The following CSMD3 variants were observed in gnomAD, a reference collection of about 807,000 sequenced individuals.
CSMD3 encodes CUB and Sushi multiple domains 3.
A neutral mutation model predicts 435.2 loss-of-function variants in CSMD3; 177 were observed. That is an observed-to-expected ratio of 0.41 (90% confidence interval 0.36 to 0.46). The LOEUF (loss-of-function observed/expected upper bound fraction) is 0.46, where lower values mean the gene tolerates loss of function less well. CSMD3 is among the 20% of genes least tolerant of loss of function. The pLI is 0.34. For missense variants in CSMD3, 4,265 were observed against 4,504.6 expected (o/e 0.95, Z 1.52); for synonymous variants, 1,656 against 1,520.5 (o/e 1.09, Z -2.07).
At chr8:112,898,926 CTTA>C (rs1366539009) in intron 10 of CSMD3, among the ~76,000 whole-genome samples, 1 of 151,092 alleles carries the variant, frequency 6.6e-6, no homozygotes, top group Non-Finnish European at 1.5e-5. Context: ...TTATACTGCT[CTTA>C]TTGTGTAACC....
chr8:112,568,061 G>A (rs966034594), intron 24 of CSMD3, among the ~76,000 whole-genome samples: 4 of 152,162 alleles, frequency 2.6e-5, no homozygotes, highest in African/African-American at 4.8e-5. Flanking sequence ...AAGGGAGTTG[G>A]ATTCTGGGAG....
chr8:113,296,748 C>T (rs1440220321), intron 2 of CSMD3, among the ~76,000 whole-genome samples: 1 of 148,742 alleles, frequency 6.7e-6, no homozygotes, highest in East Asian at 2.0e-4. Context: ...TTTCCTCCTT[C>T]TGTTTCTTGG....
chr8:112,685,294 C>A (rs973796702), intron 15 of CSMD3, 112 bp downstream of exon 15: 7 of 829,446 alleles, frequency 8.4e-6, no homozygotes, highest in African/African-American at 1.7e-5. Flanking sequence ...AGATTTACAG[C>A]TTTTACAAAT....
chr8:112,328,368 A>G (rs1169106225), intron 45 of CSMD3, among the ~76,000 whole-genome samples: 1 of 152,166 alleles, frequency 6.6e-6, no homozygotes, highest in Non-Finnish European at 1.5e-5. Context: ...TTTGTTTTCC[A>G]TTTTGCAGAA....
intron 11 of CSMD3, among the ~76,000 whole-genome samples, chr8:112,843,680 G>T (rs2080241954): frequency 6.6e-6 from 1 of 151,768 alleles, no homozygotes; most frequent in Non-Finnish European, 1.5e-5. Context: ...GACTGGGAAT[G>T]GACCTCAGCT....
At chr8:112,798,697 T>C (rs1349597881) in intron 13 of CSMD3, among the ~76,000 whole-genome samples, 7 of 151,884 alleles carry the variant, frequency 4.6e-5, no homozygotes, top group Non-Finnish European at 1.0e-4. Context: ...TCCAACCTAT[T>C]CATGAGTTTT....
chr8:112,833,066 A>G (rs992046788), intron 11 of CSMD3, among the ~76,000 whole-genome samples: 1 of 152,138 alleles, frequency 6.6e-6, no homozygotes, highest in East Asian at 1.9e-4. Context: ...TATTATTGCT[A>G]TAAGATAAGA....
chr8:113,310,257 A>T (rs2093857199), intron 2 of CSMD3: 1 of 152,106 alleles, frequency 6.6e-6, no homozygotes, highest in South Asian at 2.1e-4. Context: ...GTACATGTTA[A>T]AAATTAGGAA....
At chr8:113,017,481 A>T (rs2086509894) in intron 6 of CSMD3, among the ~76,000 whole-genome samples, 1 of 151,954 alleles carries the variant, frequency 6.6e-6, no homozygotes, top group Non-Finnish European at 1.5e-5. Flanking sequence ...AATATAAAAT[A>T]TATGCTACTT....
intron 6 of CSMD3, among the ~76,000 whole-genome samples, chr8:113,014,770 G>A (rs993640386): frequency 6.6e-6 from 1 of 152,090 alleles, no homozygotes; most frequent in African/African-American, 2.4e-5. Context: ...TAGGTAGTGG[G>A]AAATTAATGA....
chr8:113,428,866 C>T (rs1458824164), intron 1 of CSMD3, among the ~76,000 whole-genome samples: 1 of 151,828 alleles, frequency 6.6e-6, no homozygotes, highest in Non-Finnish European at 1.5e-5. Context: ...CAAACTTCCT[C>T]TCAAAGTGGT....
At chr8:112,302,568 T>G (rs1439581746) in intron 52 of CSMD3, among the ~76,000 whole-genome samples, 2 of 152,096 alleles carry the variant, frequency 1.3e-5, no homozygotes, top group Non-Finnish European at 2.9e-5. Context: ...TCTTATGACT[T>G]CTTCATATTT....
At chr8:112,831,450 T>C (rs1275616468) in intron 11 of CSMD3, among the ~76,000 whole-genome samples, 1 of 152,062 alleles carries the variant, frequency 6.6e-6, no homozygotes, top group Non-Finnish European at 1.5e-5. Context: ...AAATTCATTT[T>C]ATAACCTAGT....
chr8:112,736,016 C>G (rs190013148), intron 13 of CSMD3, among the ~76,000 whole-genome samples: 2 of 151,992 alleles, frequency 1.3e-5, no homozygotes, highest in Non-Finnish European at 2.9e-5. Context: ...ATAGAGAGAG[C>G]TGTGTCCAAG....
At chr8:113,285,417 C>T (rs887196076) in intron 2 of CSMD3, among the ~76,000 whole-genome samples, 4 of 152,072 alleles carry the variant, frequency 2.6e-5, no homozygotes, top group Non-Finnish European at 4.4e-5. Flanking sequence ...CCCGCCACCA[C>T]GCCCAGCTAA....
rs527340317 is a variant in CSMD3 at position 113,302,551 on chromosome 8, T to C, written c.401+12020A>G. 4.0e-4 allele frequency among the ~76,000 whole-genome samples: 61 copies of C among 151,798 alleles called. 1 individual carries two copies. The highest frequency in any genetic ancestry group is 1.1e-3 in the Admixed American group (16 of 15,156). On this transcript the variant is annotated intron_variant, in intron 2 of 70. Coordinates refer to ENST00000297405, the MANE Select transcript of CSMD3 (RefSeq NM_198123.2). The stretch of plus-strand genomic sequence containing the variant: ...TTTATTTACGAGCTCATATTAATTA[T>C]GTAAAAATTTTGTTACTAAAAACAT...
At chr8:113,011,704 T>C in intron 6 of CSMD3, among the ~76,000 whole-genome samples, 1 of 151,784 alleles carries the variant, frequency 6.6e-6, no homozygotes. Context: ...TTTAAAATCG[T>C]TCTTGATTAA....
intron 5 of CSMD3, among the ~76,000 whole-genome samples, chr8:113,086,958 T>C (rs1416484216): frequency 2.6e-5 from 4 of 152,230 alleles, no homozygotes; most frequent in Non-Finnish European, 2.9e-5. Context: ...AGGTGTCAGC[T>C]AAGTCATCTC....
rs554280970 is a variant in CSMD3, at chr8:112,363,278, G to T, written c.6137-10744C>A. On this transcript the variant is annotated intron_variant, in intron 38 of 70. Coordinates refer to ENST00000297405, the MANE Select transcript of CSMD3 (RefSeq NM_198123.2). ...GGAATATTGGAAGTGCCTAACAAATGTTAACTATTGTTGAAGTGTTTCAGG... is the reference window on the plus strand; with the variant it reads ...GGAATATTGGAAGTGCCTAACAAATTTTAACTATTGTTGAAGTGTTTCAGG... Among the ~76,000 whole-genome samples the T allele has an allele frequency of 3.7e-4, 57 of 152,094 alleles. 1 individual carries two copies. Among genetic ancestry groups the T allele is most frequent in the African/African-American group, 1.3e-3 (55 of 41,530 alleles).
Sources: gnomAD v4.1 joint callset for allele counts (sites outside exome capture counted in the v4.1 genomes callset) on GRCh38, gnomAD v4.1.1 for gene constraint, MANE v1.5 for transcripts, NCBI Gene and HGNC (gene_info 2026-07-23, HGNC 2026-07-21) for gene names.